The following VEGFA variants were observed in gnomAD, a reference collection of about 807,000 sequenced individuals.
VEGFA encodes vascular endothelial growth factor A, long form.
Under a neutral mutation model 49.7 loss-of-function variants are expected in VEGFA, and 20 were observed. That is an observed-to-expected ratio of 0.40 (90% CI 0.28 to 0.58). The LOEUF (loss-of-function observed/expected upper bound fraction) is 0.58, where lower values mean the gene tolerates loss of function less well. Among genes scored for constraint, VEGFA ranks in the 20% least tolerant of loss-of-function variants. The pLI is 0.40. For synonymous variants in VEGFA, 219 were observed against 223.4 expected, an observed-to-expected ratio of 0.98 and a Z score of 0.18; for missense variants, 505 against 553.5, an observed-to-expected ratio of 0.91 and a Z score of 0.88.
At chr6:43,774,163 G>T in intron 1 of VEGFA, 178 bp from the exon 2 acceptor site, 1 of 681,256 alleles carries the variant, frequency 1.5e-6, no homozygotes. Flanking sequence ...GTCCAGGAGT[G>T]GTGGGCATAT....
chr6:43,775,389 T>TG (rs1460821630), intron 2 of VEGFA: 6 of 152,300 alleles, frequency 3.9e-5, no homozygotes, highest in African/African-American at 1.4e-4. Flanking sequence ...GCCTGGTTGT[T>TG]GGAGTGTACG....
In VEGFA at chr6:43,773,984, C is replaced by T; in HGVS notation, c.607-357C>T. ...TATTTGACCTTAATACTTACCATGGCTTTGGACCAGGGAACTAGGGGGATA... is the reference window on the plus strand; with the variant it reads ...TATTTGACCTTAATACTTACCATGGTTTTGGACCAGGGAACTAGGGGGATA... On this transcript the variant is annotated intron_variant, in intron 1 of 7. Transcript: ENST00000672860. The surrounding 1 kb of genome is among the most constrained non-coding windows in gnomAD (Gnocchi z 5.6). The T allele has an allele frequency of 2.7e-6, 1 of 373,184 alleles. No homozygotes were observed. Among genetic ancestry groups the T allele is most frequent in the Non-Finnish European group, 5.1e-6 (1 of 195,318 alleles). The allele number at this position is 373,184 out of a possible 1,614,324, so 23.1% of individuals were successfully genotyped here.
Position 43,786,439 on chromosome 6 carries a change from T to TAA in VEGFA, c.*1888_*1889dup. Reference sequence around the variant, plus strand: ...ACGACAAAGAAATACAGATATATCTTAAAAAAAAAAAAGCATTTTGTATTA... The same window carrying TAA: ...ACGACAAAGAAATACAGATATATCTTAAAAAAAAAAAAAAGCATTTTGTATTA... On this transcript the variant is annotated 3_prime_UTR_variant, in exon 8 of 8. Transcript: ENST00000672860. The TAA allele has an allele frequency of 1.3e-5, 2 of 158,450 alleles. No homozygotes were observed. The highest frequency in any genetic ancestry group is 2.7e-5 in the Non-Finnish European group (2 of 73,130). 9.8% of individuals were successfully genotyped at this position (158,450 alleles called of 1,614,324 possible). A position where few individuals can be genotyped will look rare whatever the true frequency, so the allele number is the denominator to read the frequency against.
In VEGFA at chr6:43,777,693, G is replaced by A. The variant is rs745796724; in HGVS notation, c.855+28G>A. 1 of 1,394,452 alleles carries A rather than the reference G, an allele frequency of 7.2e-7. No individual in the cohort carries two copies. The highest frequency in any genetic ancestry group is 1.8e-5 in the Admixed American group (1 of 55,314). 86.4% of individuals were successfully genotyped at this position (1,394,452 alleles called of 1,614,324 possible). A position where few individuals can be genotyped will look rare whatever the true frequency, so the allele number is the denominator to read the frequency against. On this transcript the variant is annotated intron_variant, in intron 3 of 7. Transcript: ENST00000672860. The surrounding 1 kb of genome is among the most constrained non-coding windows in gnomAD (Gnocchi z 4.3). ...GGGCATCTTTGGGAAGTGGGGCAAG[G>A]GGGGGATAGGGAGGGGGGTAACACT... is the stretch of plus-strand genomic sequence containing the variant.
chr6:43,778,642 T>A, intron 4 of VEGFA, 106 bp downstream of exon 4: 1 of 1,247,534 alleles, frequency 8.0e-7, no homozygotes, highest in African/African-American at 1.5e-5. Context: ...AGCTTCCCGC[T>A]ATGTGACCTT....
At position 43,785,627 on chromosome 6, in the gene VEGFA, C is replaced by A. The variant is rs182317842; in HGVS notation, c.*1065C>A. Reference sequence around the variant, plus strand: ...GACCTATGTCCTCACACCATTGAAACCACTAGTTCTGTCCCCCCAGGAGAC... The same window carrying A: ...GACCTATGTCCTCACACCATTGAAAACACTAGTTCTGTCCCCCCAGGAGAC... On this transcript the variant is annotated 3_prime_UTR_variant, in exon 8 of 8. Coordinates refer to ENST00000672860, the MANE Select transcript of VEGFA (RefSeq NM_003376.6). The A allele has an allele frequency of 2.0e-5, 4 of 203,632 alleles. No individual in the cohort carries two copies. The East Asian group carries it at 3.0e-4, about 16-fold the overall frequency. 12.6% of individuals were successfully genotyped at this position (203,632 alleles called of 1,614,324 possible).
Position 43,773,696 on chromosome 6 carries a change from T to G in VEGFA, c.607-645T>G. 6.4e-6 allele frequency: 1 copy of G among 156,826 alleles called. No individual in the cohort carries two copies. The highest frequency in any genetic ancestry group is 1.9e-4 in the East Asian group (1 of 5,382). 9.7% of individuals were successfully genotyped at this position (156,826 alleles called of 1,614,324 possible). A position where few individuals can be genotyped will look rare whatever the true frequency, so the allele number is the denominator to read the frequency against. ...TCTATTGAGGCTCTGGAGAGATTTGTGTAGAGAGGAAAATGTGGTTCTCCC... is the reference window on the plus strand; with the variant it reads ...TCTATTGAGGCTCTGGAGAGATTTGGGTAGAGAGGAAAATGTGGTTCTCCC... On this transcript the variant is annotated intron_variant, in intron 1 of 7. Coordinates refer to ENST00000672860, the MANE Select transcript of VEGFA (RefSeq NM_003376.6). The surrounding 1 kb of genome is among the most constrained non-coding windows in gnomAD (Gnocchi z 5.6).
rs142609745 is a variant in VEGFA at position 43,771,427 on chromosome 6, C to A, written c.606+115C>A. 3.7e-3 allele frequency: 4,021 copies of A among 1,094,548 alleles called. 23 individuals carry two copies. The highest frequency in any genetic ancestry group is 0.017 in the Middle Eastern group (56 of 3,308). 67.8% of individuals were successfully genotyped at this position (1,094,548 alleles called of 1,614,324 possible). ...CGTGCCCCACGCGGGTCCATGGGCA[C>A]CAGGCGTGCGGCGTCCCCCTCTGTC... On this transcript the variant is annotated intron_variant, in intron 1 of 7. Coordinates refer to ENST00000672860, the MANE Select transcript of VEGFA (RefSeq NM_003376.6).
In VEGFA at chr6:43,777,057, C is replaced by T. The variant is rs1286637293; in HGVS notation, c.659-412C>T. On this transcript the variant is annotated intron_variant, in intron 2 of 7. Coordinates refer to ENST00000672860, the MANE Select transcript of VEGFA (RefSeq NM_003376.6). This position sits in a 1 kb window ranked among gnomAD's most constrained non-coding sequence, Gnocchi z 4.3. ...GTTATGGTAGTGGTTGTGGGGAGGA[C>T]GTAGGAAACTGGAGACTAGCTTGGC... 20 of 349,916 alleles carry T rather than the reference C, an allele frequency of 5.7e-5. No homozygotes were observed. In the East Asian group the frequency reaches 8.0e-4, roughly 14 times the overall value. The allele number at this position is 349,916 out of a possible 1,614,324, so 21.7% of individuals were successfully genotyped here.
At chr6:43,784,337 G>A in intron 7 of VEGFA, 1 of 641,370 alleles carries the variant, frequency 1.6e-6, no homozygotes. Context: ...TGCTGCTCAG[G>A]CCGGGGCTCC....
rs1163501700 is a variant in VEGFA at position 43,786,285 on chromosome 6, TTTG to T, written c.*1726_*1728del. ...TCTCTCTCCTTTTTTAATTTTAATA[TTTG>T]TTATCATTTATTTATTGGTGCTACT... On this transcript the variant is annotated 3_prime_UTR_variant, in exon 8 of 8. Transcript: ENST00000672860. 2.2e-5 allele frequency: 4 copies of T among 179,360 alleles called. No individual in the cohort carries two copies. The highest frequency in any genetic ancestry group is 2.4e-5 in the Non-Finnish European group (2 of 83,578). 11.1% of individuals were successfully genotyped at this position (179,360 alleles called of 1,614,324 possible).
At chr6:43,782,185 C>T (rs1310868890) in intron 7 of VEGFA, 98 bp downstream of exon 7, 10 of 1,536,096 alleles carry the variant, frequency 6.5e-6, no homozygotes, top group Middle Eastern at 2.3e-4. Flanking sequence ...AGCGGGAGAG[C>T]GCCTGAGAGG....
Position 43,770,479 on chromosome 6 carries a change from G to A in VEGFA, c.-228G>A. On this transcript the variant is annotated 5_prime_UTR_variant, in exon 1 of 8. Coordinates refer to ENST00000672860, the MANE Select transcript of VEGFA (RefSeq NM_003376.6). ...ATCGGGCCGACGGCTTGGGGAGATT[G>A]CTCTACTTCCCCAAATCACTGTGGA... 2.1e-6 allele frequency: 2 copies of A among 965,234 alleles called. No individual in the cohort carries two copies. Among genetic ancestry groups the A allele is most frequent in the Non-Finnish European group, 2.7e-6 (2 of 732,070 alleles). 59.8% of individuals were successfully genotyped at this position (965,234 alleles called of 1,614,324 possible). A position where few individuals can be genotyped will look rare whatever the true frequency, so the allele number is the denominator to read the frequency against.
At chr6:43,780,318 A>T (rs563501912) in intron 5 of VEGFA, 20 of 290,530 alleles carry the variant, frequency 6.9e-5, no homozygotes, top group Admixed American at 1.3e-4. Flanking sequence ...CCTACCTTTT[A>T]TCACCCCCGG....
rs1054316295 is a variant in VEGFA at position 43,786,108 on chromosome 6, A to G, written c.*1546A>G. 2 of 179,752 alleles carry G rather than the reference A, an allele frequency of 1.1e-5. No homozygotes were observed. Among genetic ancestry groups the G allele is most frequent in the Admixed American group, 1.3e-4 (2 of 15,910 alleles). The allele number at this position is 179,752 out of a possible 1,614,324, so 11.1% of individuals were successfully genotyped here. A position where few individuals can be genotyped will look rare whatever the true frequency, so the allele number is the denominator to read the frequency against. On this transcript the variant is annotated 3_prime_UTR_variant, in exon 8 of 8. Coordinates refer to ENST00000672860, the MANE Select transcript of VEGFA (RefSeq NM_003376.6). ...AAATAAGGTTTCAATATACATCTAC[A>G]TACTATATATATATTTGGCAACTTG...
In VEGFA at chr6:43,770,427, T is replaced by C; in HGVS notation, c.-280T>C. The stretch of plus-strand genomic sequence containing the variant: ...AACTGTATTGTTTCTCGTTTTAATT[T>C]ATTTTTGCTTGCCATTCCCCACTTG... On this transcript the variant is annotated 5_prime_UTR_variant, in exon 1 of 8. Transcript: ENST00000672860. 1 of 457,436 alleles carries C rather than the reference T, an allele frequency of 2.2e-6. No homozygotes were observed. Among genetic ancestry groups the C allele is most frequent in the Non-Finnish European group, 3.6e-6 (1 of 278,688 alleles). The allele number at this position is 457,436 out of a possible 1,614,324, so 28.3% of individuals were successfully genotyped here.
rs1767447173 is a variant in VEGFA, at chr6:43,780,934, G to GTC, written c.1034+140_1034+141dup. 9 of 1,605,864 alleles carry GTC rather than the reference G, an allele frequency of 5.6e-6. No individual in the cohort carries two copies. In the South Asian group the frequency reaches 8.8e-5, roughly 16 times the overall value. On this transcript the variant is annotated intron_variant, in intron 6 of 7. Coordinates refer to ENST00000672860, the MANE Select transcript of VEGFA (RefSeq NM_003376.6). ...CCTGGCTCTCATCCTCCTGGCCCGTGTCTCTCTCTCACTCTCTCACTCCAC... is the reference window on the plus strand; with the variant it reads ...CCTGGCTCTCATCCTCCTGGCCCGTGTCTCTCTCTCTCACTCTCTCACTCCAC...
intron 5 of VEGFA, chr6:43,779,814 A>T: frequency 2.3e-6 from 1 of 440,184 alleles, no homozygotes; most frequent in Middle Eastern, 3.3e-4. Flanking sequence ...CCTGTGACAG[A>T]CATCCTGAGG....
At chr6:43,779,063 T>C (rs1219723025) in intron 5 of VEGFA, 145 bp downstream of exon 5, 1 of 1,050,638 alleles carries the variant, frequency 9.5e-7, no homozygotes, top group African/African-American at 1.6e-5. Context: ...GCAGCAACAA[T>C]GGGATGGAGC....
Sources: gnomAD v4.1 joint callset for allele counts on GRCh38, gnomAD v4.1.1 for gene constraint, Gnocchi (gnomAD v3.1) non-coding constraint, MANE v1.5 for transcripts, NCBI Gene and HGNC (gene_info 2026-07-23, HGNC 2026-07-21) for gene names.